The following NKAIN3 variants were observed in gnomAD, a reference collection of about 807,000 sequenced individuals.
The protein encoded by NKAIN3 is sodium/potassium-transporting ATPase subunit beta-1-interacting protein 3.
Under a neutral mutation model 30.2 loss-of-function variants are expected in NKAIN3, and 25 were observed. The ratio of observed to expected loss-of-function variants is 0.83; its 90% CI spans 0.60 to 1.16. The LOEUF (loss-of-function observed/expected upper bound fraction) is 1.16. Among genes scored for constraint, NKAIN3 ranks in the 50% most tolerant of loss-of-function variants. The probability of loss-of-function intolerance (pLI) is 0.00; values close to 1 mark genes in which losing one functional copy is unlikely to be tolerated. For missense variants in NKAIN3, 225 were observed against 254.1 expected (o/e 0.89, Z 0.78); for synonymous variants, 91 against 89.6 (o/e 1.02, Z -0.09).
chr8:62,750,922 G>A (rs1816260447), intron 4 of NKAIN3, among the ~76,000 whole-genome samples: 2 of 152,098 alleles, frequency 1.3e-5, no homozygotes, highest in Admixed American at 1.3e-4. Flanking sequence ...AAGCTGGCCA[G>A]TAACCTCCTA....
At chr8:62,765,640 C>T (rs956340288) in intron 4 of NKAIN3, among the ~76,000 whole-genome samples, 1 of 152,034 alleles carries the variant, frequency 6.6e-6, no homozygotes, top group East Asian at 1.9e-4. Flanking sequence ...ATTACATTAC[C>T]TTGGTTAATC....
chr8:62,784,684 A>T (rs1203550578), intron 4 of NKAIN3, among the ~76,000 whole-genome samples: 1 of 152,140 alleles, frequency 6.6e-6, no homozygotes, highest in Non-Finnish European at 1.5e-5. Context: ...GGTGAATTCT[A>T]TCGAATATTT....
At chr8:62,826,282 G>T (rs1819021846) in intron 4 of NKAIN3, among the ~76,000 whole-genome samples, 3 of 152,086 alleles carry the variant, frequency 2.0e-5, no homozygotes. Context: ...GTGTGTGAGT[G>T]TTTGTGTGTG....
chr8:62,738,453 G>T (rs1318449595), intron 3 of NKAIN3, among the ~76,000 whole-genome samples: 1 of 151,942 alleles, frequency 6.6e-6, no homozygotes, highest in African/African-American at 2.4e-5. Flanking sequence ...ACAAAAATTA[G>T]CCGGGCATGG....
At chr8:62,760,197 C>T (rs1816603854) in intron 4 of NKAIN3, among the ~76,000 whole-genome samples, 1 of 152,118 alleles carries the variant, frequency 6.6e-6, no homozygotes, top group Admixed American at 6.5e-5. Flanking sequence ...ACTAGTTCAA[C>T]CATTGTGGAA....
intron 3 of NKAIN3, among the ~76,000 whole-genome samples, chr8:62,697,458 G>A (rs1456835823): frequency 6.6e-6 from 1 of 152,096 alleles, no homozygotes; most frequent in African/African-American, 2.4e-5. Flanking sequence ...TTCTCAATGA[G>A]ACTATCCTCA....
chr8:62,312,782 C>T (rs1037613922), intron 1 of NKAIN3, among the ~76,000 whole-genome samples: 8 of 149,054 alleles, frequency 5.4e-5, no homozygotes, highest in African/African-American at 7.4e-5. Flanking sequence ...CATGCCACTG[C>T]GGTACAGCCT....
At chr8:62,953,278 A>G (rs1823334590) in intron 5 of NKAIN3, among the ~76,000 whole-genome samples, 2 of 152,226 alleles carry the variant, frequency 1.3e-5, no homozygotes. Context: ...AGAAACAAAC[A>G]TCATACGTGT....
At chr8:62,992,011 CCTT>C (rs1056944907) in intron 5 of NKAIN3, among the ~76,000 whole-genome samples, 53 of 149,052 alleles carry the variant, frequency 3.6e-4, no homozygotes, top group Admixed American at 7.3e-4. Flanking sequence ...TCTTCTCTTT[CCTT>C]CTTCTTCTTT....
At chr8:62,929,903 G>A (rs1822566185) in intron 5 of NKAIN3, among the ~76,000 whole-genome samples, 1 of 152,002 alleles carries the variant, frequency 6.6e-6, no homozygotes, top group Admixed American at 6.6e-5. Flanking sequence ...TTTATGTGCG[G>A]CCCAAGACAA....
chr8:62,858,688 T>C (rs927915096), intron 4 of NKAIN3, among the ~76,000 whole-genome samples: 3 of 152,134 alleles, frequency 2.0e-5, no homozygotes, highest in Non-Finnish European at 4.4e-5. Flanking sequence ...TCCAGACCAT[T>C]TGGACTCTTC....
chr8:62,954,955 C>G (rs886499949), intron 6 of NKAIN3, among the ~76,000 whole-genome samples: 2 of 152,100 alleles, frequency 1.3e-5, no homozygotes, highest in African/African-American at 4.8e-5. Context: ...GCTCAGTGTT[C>G]TGTAATTTGA....
At chr8:62,737,024 T>C (rs58391948) in intron 3 of NKAIN3, among the ~76,000 whole-genome samples, 2,642 of 152,316 alleles carry the variant, frequency 0.017, 56 homozygotes, top group African/African-American at 0.054. Flanking sequence ...CTTCCACCCA[T>C]TGGGCACTCA....
In NKAIN3 at chr8:62,977,211, T is replaced by C. The variant is rs1369221588; in HGVS notation, c.*11804T>C. ...TCTTTGTGGTGTTCTCTGTATTTCC[T>C]GAATTTGTATTCTGTATTTCCTAAG... On this transcript the variant is annotated 3_prime_UTR_variant, in exon 7 of 7. Transcript: ENST00000623646. Among the ~76,000 whole-genome samples, 2 of 152,216 alleles carry C rather than the reference T, an allele frequency of 1.3e-5. No homozygotes were observed. Among genetic ancestry groups the C allele is most frequent in the East Asian group, 3.9e-4 (2 of 5,188 alleles).
chr8:62,253,080 C>A (rs770616721), intron 1 of NKAIN3, among the ~76,000 whole-genome samples: 6 of 152,192 alleles, frequency 3.9e-5, no homozygotes, highest in Admixed American at 3.9e-4. Flanking sequence ...TTCAACACAT[C>A]TTCGTCTCAG....
chr8:62,855,177 G>A (rs539477827), intron 4 of NKAIN3: 5 of 263,892 alleles, frequency 1.9e-5, no homozygotes, highest in African/African-American at 8.9e-5. Flanking sequence ...CCTCAAAAAT[G>A]TAAAGTCCCT....
chr8:62,399,631 C>G (rs942919039), intron 1 of NKAIN3, among the ~76,000 whole-genome samples: 1 of 152,136 alleles, frequency 6.6e-6, no homozygotes, highest in East Asian at 1.9e-4. Context: ...ATATAAATGA[C>G]TATGTGATCT....
At chr8:62,465,775 C>G (rs1325418212) in intron 1 of NKAIN3, among the ~76,000 whole-genome samples, 1 of 152,136 alleles carries the variant, frequency 6.6e-6, no homozygotes, top group East Asian at 1.9e-4. Context: ...ATAATCCTAG[C>G]ACTTTGAGAG....
At chr8:62,596,544 G>T (rs10957229) in intron 3 of NKAIN3, among the ~76,000 whole-genome samples, 109,309 of 151,818 alleles carry the variant, frequency 0.72, 40,204 homozygotes, top group Middle Eastern at 0.83. Flanking sequence ...CATGGAGGAC[G>T]ATGTAAGCAT....
Sources: allele counts gnomAD v4.1 joint callset (sites outside exome capture counted in the v4.1 genomes callset), GRCh38; gene constraint gnomAD v4.1.1; transcripts MANE v1.5; gene names NCBI Gene and HGNC (gene_info 2026-07-23, HGNC 2026-07-21).